The following EYS variants were observed in gnomAD, a reference collection of about 807,000 sequenced individuals.
EYS encodes the protein EGF-like photoreceptor maintenance factor, also known as protein eyes shut homolog.
EYS carries 250 observed loss-of-function variants against 282.1 expected under a neutral mutation model. The ratio of observed to expected loss-of-function variants is 0.89; its 90% CI spans 0.80 to 0.98. EYS has a LOEUF of 0.98. Ranked by LOEUF, EYS falls within the 50% of genes least tolerant of loss-of-function variation. EYS has a pLI of 0.00. For missense variants in EYS, 4,016 were observed against 3,709.0 expected, an observed-to-expected ratio of 1.08 and a Z score of -2.15; for synonymous variants, 1,355 against 1,282.9, an observed-to-expected ratio of 1.06 and a Z score of -1.20.
intron 24 of EYS, among the ~76,000 whole-genome samples, chr6:64,610,550 G>A (rs894903956): frequency 6.6e-6 from 1 of 151,680 alleles, no homozygotes; most frequent in African/African-American, 2.4e-5. Context: ...ATTACTGACA[G>A]CCACTACCAA....
intron 33 of EYS, among the ~76,000 whole-genome samples, chr6:64,027,209 C>A (rs1769563488): frequency 6.6e-6 from 1 of 152,080 alleles, no homozygotes; most frequent in Non-Finnish European, 1.5e-5. Context: ...CATCTGTTGA[C>A]CTGTGTTCTA....
At chr6:63,833,080 C>G (rs1416728532) in intron 36 of EYS, among the ~76,000 whole-genome samples, 4 of 151,900 alleles carry the variant, frequency 2.6e-5, no homozygotes, top group South Asian at 2.1e-4. Flanking sequence ...AATAATAAGC[C>G]CTATTTATGA....
At chr6:65,058,399 C>G (rs34998663) in intron 12 of EYS, among the ~76,000 whole-genome samples, 1 of 151,944 alleles carries the variant, frequency 6.6e-6, no homozygotes, top group Non-Finnish European at 1.5e-5. Context: ...GATCCACCCA[C>G]TTTGGCCTCC....
chr6:64,776,497 G>A (rs1399297957), intron 22 of EYS, among the ~76,000 whole-genome samples: 1 of 151,896 alleles, frequency 6.6e-6, no homozygotes, highest in Non-Finnish European at 1.5e-5. Flanking sequence ...ATATTCTCTG[G>A]CTATCTGAAA....
chr6:64,655,440 C>T (rs776384123), intron 22 of EYS, among the ~76,000 whole-genome samples: 1 of 151,898 alleles, frequency 6.6e-6, no homozygotes, highest in Non-Finnish European at 1.5e-5. Flanking sequence ...TAAAAAATAT[C>T]TAATGCATAT....
chr6:64,341,081 C>T (rs1244442068), intron 29 of EYS, among the ~76,000 whole-genome samples: 1 of 151,696 alleles, frequency 6.6e-6, no homozygotes, highest in Non-Finnish European at 1.5e-5. Flanking sequence ...GGCAAGACTG[C>T]AGAGAAAAGG....
chr6:63,828,527 G>A (rs1048602480), intron 36 of EYS, among the ~76,000 whole-genome samples: 3 of 152,078 alleles, frequency 2.0e-5, no homozygotes, highest in Non-Finnish European at 4.4e-5. Context: ...ATAACCTGAA[G>A]AGAACAATAA....
intron 26 of EYS, among the ~76,000 whole-genome samples, chr6:64,483,976 G>A (rs1229115312): frequency 6.6e-6 from 1 of 151,596 alleles, no homozygotes; most frequent in Non-Finnish European, 1.5e-5. Flanking sequence ...TTTTGTAGGT[G>A]GGCATTAAGT....
At chr6:65,324,863 G>A (rs905401) in intron 11 of EYS, among the ~76,000 whole-genome samples, 151,511 of 152,358 alleles carry the variant, frequency 0.99, 75,338 homozygotes, top group East Asian at 1. Flanking sequence ...GTTTCCTCAC[G>A]AAGTGTCAGA....
intron 36 of EYS, among the ~76,000 whole-genome samples, chr6:63,863,547 C>T (rs529679575): frequency 1.3e-5 from 2 of 151,928 alleles, no homozygotes; most frequent in Admixed American, 6.6e-5. Context: ...CTCTTGATGC[C>T]CCTTGTTACT....
chr6:64,310,349 T>C (rs1466283537), intron 29 of EYS, among the ~76,000 whole-genome samples: 1 of 151,984 alleles, frequency 6.6e-6, no homozygotes. Flanking sequence ...CCAGCAATAA[T>C]AGATTGGATA....
At chr6:65,515,784 A>C (rs1382647086) in intron 2 of EYS, among the ~76,000 whole-genome samples, 2 of 105,992 alleles carry the variant, frequency 1.9e-5, no homozygotes, top group African/African-American at 3.7e-5. Context: ...CACTCTGGGG[A>C]CTGTTGTGGG....
At chr6:65,271,599 T>C (rs889406925) in intron 12 of EYS, among the ~76,000 whole-genome samples, 4 of 152,088 alleles carry the variant, frequency 2.6e-5, no homozygotes, top group Admixed American at 6.6e-5. Context: ...TTTTTATTTT[T>C]TTAGTTGGAG....
intron 31 of EYS, among the ~76,000 whole-genome samples, chr6:64,094,686 G>T (rs1044650651): frequency 1.3e-5 from 2 of 152,018 alleles, no homozygotes; most frequent in African/African-American, 4.8e-5. Context: ...TATCAATGTT[G>T]TTGATCTTTT....
intron 12 of EYS, among the ~76,000 whole-genome samples, chr6:65,079,726 T>C (rs1774171833): frequency 6.6e-6 from 1 of 152,220 alleles, no homozygotes; most frequent in Admixed American, 6.6e-5. Context: ...TTACATGTAT[T>C]ACTAAGAATA....
intron 26 of EYS, among the ~76,000 whole-genome samples, chr6:64,540,642 C>T (rs1764673244): frequency 6.6e-6 from 1 of 151,952 alleles, no homozygotes; most frequent in African/African-American, 2.4e-5. Flanking sequence ...ACCGCCACAC[C>T]CAGGTAATTT....
At chr6:64,293,314 C>T (rs901244203) in intron 30 of EYS, among the ~76,000 whole-genome samples, 4 of 152,172 alleles carry the variant, frequency 2.6e-5, no homozygotes, top group Non-Finnish European at 5.9e-5. Context: ...ATGTTATATG[C>T]TTTATAACTT....
At chr6:63,947,526 T>C (rs1765434884) in intron 35 of EYS, among the ~76,000 whole-genome samples, 1 of 152,166 alleles carries the variant, frequency 6.6e-6, no homozygotes, top group Admixed American at 6.6e-5. Flanking sequence ...AGAAAAAAGA[T>C]CTGTAATTTA....
chr6:64,470,655 C>T (rs1490243103), intron 26 of EYS, among the ~76,000 whole-genome samples: 1 of 152,130 alleles, frequency 6.6e-6, no homozygotes, highest in Non-Finnish European at 1.5e-5. Flanking sequence ...ACTGTTGGGC[C>T]ACATCCTAAG....
Sources: gnomAD v4.1 joint callset for allele counts (sites outside exome capture counted in the v4.1 genomes callset) on GRCh38, gnomAD v4.1.1 for gene constraint, MANE v1.5 for transcripts, NCBI Gene and HGNC (gene_info 2026-07-23, HGNC 2026-07-21) for gene names.